ARHGAP15: variants seen among roughly 807,000 people sequenced by gnomAD.
ARHGAP15 encodes the protein Rho GTPase activating protein 15.
A neutral mutation model predicts 63.7 loss-of-function variants in ARHGAP15; 51 were observed. The ratio of observed to expected loss-of-function variants is 0.80; its 90% confidence interval spans 0.64 to 1.01. ARHGAP15 has a LOEUF of 1.01. Ranked by LOEUF, ARHGAP15 falls within the 50% of genes least tolerant of loss-of-function variation. ARHGAP15 has a pLI of 0.00. For synonymous variants in ARHGAP15, 191 were observed against 193.8 expected, an observed-to-expected ratio of 0.99 and a Z score of 0.12; for missense variants, 560 against 564.6, an observed-to-expected ratio of 0.99 and a Z score of 0.08.
intron 6 of ARHGAP15, among the ~76,000 whole-genome samples, chr2:143,277,157 G>A (rs1681600742): frequency 6.6e-6 from 1 of 151,924 alleles, no homozygotes. Flanking sequence ...CCTCTAGTAT[G>A]CCCAGGCAAC....
intron 3 of ARHGAP15, among the ~76,000 whole-genome samples, chr2:143,214,234 G>C (rs1692666244): frequency 6.6e-6 from 1 of 152,138 alleles, no homozygotes; most frequent in Admixed American, 6.5e-5. Flanking sequence ...TTTTTTGGTA[G>C]ATAAATCCAG....
At chr2:143,210,457 A>G (rs1006456647) in intron 3 of ARHGAP15, among the ~76,000 whole-genome samples, 13 of 152,172 alleles carry the variant, frequency 8.5e-5, no homozygotes, top group Non-Finnish European at 7.3e-5. Context: ...TGAATAAATC[A>G]GAGACATACA....
chr2:143,665,959 G>A (rs1470329808), intron 12 of ARHGAP15, among the ~76,000 whole-genome samples: 6 of 146,168 alleles, frequency 4.1e-5, no homozygotes, highest in African/African-American at 1.5e-4. Context: ...CTCATGGGTA[G>A]GAAGAATCAA....
intron 13 of ARHGAP15, among the ~76,000 whole-genome samples, chr2:143,735,584 T>C (rs138454607): frequency 1.2e-4 from 19 of 152,304 alleles, no homozygotes; most frequent in African/African-American, 4.6e-4. Flanking sequence ...TGTCCTGGAT[T>C]GAGCCCCTTA....
chr2:143,198,966 G>A (rs1691997394), intron 2 of ARHGAP15, among the ~76,000 whole-genome samples: 1 of 152,050 alleles, frequency 6.6e-6, no homozygotes. Context: ...TTCCACTCTT[G>A]AAAGTTAAAT....
intron 13 of ARHGAP15, among the ~76,000 whole-genome samples, chr2:143,708,195 G>C (rs1684417090): frequency 6.6e-6 from 1 of 152,166 alleles, no homozygotes; most frequent in South Asian, 2.1e-4. Context: ...TTTCTGTAGT[G>C]AGAAGTATAT....
At chr2:143,436,550 A>G (rs1689620573) in intron 7 of ARHGAP15, among the ~76,000 whole-genome samples, 1 of 152,170 alleles carries the variant, frequency 6.6e-6, no homozygotes, top group African/African-American at 2.4e-5. Context: ...CTGGAACCAG[A>G]CTGCTAGAGT....
chr2:143,351,683 TGTG>T (rs892656044), intron 6 of ARHGAP15, among the ~76,000 whole-genome samples: 17 of 152,286 alleles, frequency 1.1e-4, no homozygotes, highest in Admixed American at 9.8e-4. Flanking sequence ...TAAGCTGACT[TGTG>T]GTGGGAGGAT....
intron 1 of ARHGAP15, among the ~76,000 whole-genome samples, chr2:143,139,309 C>T (rs1436961127): frequency 6.6e-6 from 1 of 152,112 alleles, no homozygotes; most frequent in Non-Finnish European, 1.5e-5. Context: ...TTCCATACCA[C>T]TTATTCCATA....
intron 12 of ARHGAP15, among the ~76,000 whole-genome samples, chr2:143,674,528 T>C (rs1467478591): frequency 6.6e-6 from 1 of 152,170 alleles, no homozygotes; most frequent in Admixed American, 6.5e-5. Flanking sequence ...AAATGTCCTG[T>C]AACTCGACTA....
intron 5 of ARHGAP15, among the ~76,000 whole-genome samples, chr2:143,246,560 T>C (rs926179058): frequency 6.6e-6 from 1 of 151,926 alleles, no homozygotes; most frequent in African/African-American, 2.4e-5. Context: ...TAGACATTAT[T>C]TGTAATATTG....
chr2:143,765,992 T>C (rs1686935172), intron 13 of ARHGAP15, among the ~76,000 whole-genome samples: 2 of 152,236 alleles, frequency 1.3e-5, no homozygotes, highest in South Asian at 4.1e-4. Flanking sequence ...TATGCTTTGC[T>C]GGCCACAGTA....
chr2:143,282,498 T>TTTA (rs1370637321), intron 6 of ARHGAP15, among the ~76,000 whole-genome samples: 1 of 152,052 alleles, frequency 6.6e-6, no homozygotes, highest in African/African-American at 2.4e-5. Context: ...GGAACTCCTC[T>TTTA]TTATAAAACC....
intron 3 of ARHGAP15, among the ~76,000 whole-genome samples, chr2:143,213,726 T>C (rs532018193): frequency 1.3e-5 from 2 of 152,316 alleles, no homozygotes; most frequent in Admixed American, 6.5e-5. Context: ...GCAGCCTGAC[T>C]TTGGAAAATG....
chr2:143,731,805 T>A (rs1294913678), intron 13 of ARHGAP15, among the ~76,000 whole-genome samples: 1 of 152,252 alleles, frequency 6.6e-6, no homozygotes, highest in Non-Finnish European at 1.5e-5. Context: ...ATGTCCCATA[T>A]CTTGCTGAAA....
intron 8 of ARHGAP15, among the ~76,000 whole-genome samples, chr2:143,460,684 G>A (rs968904567): frequency 6.6e-6 from 1 of 152,022 alleles, no homozygotes; most frequent in South Asian, 2.1e-4. Flanking sequence ...GATATAATGT[G>A]CTAGGAAGAC....
chr2:143,317,690 A>T (rs765387721), intron 6 of ARHGAP15, among the ~76,000 whole-genome samples: 3 of 152,156 alleles, frequency 2.0e-5, no homozygotes, highest in Non-Finnish European at 2.9e-5. Context: ...TATTCTGTAG[A>T]TAATATTTTC....
intron 2 of ARHGAP15, among the ~76,000 whole-genome samples, chr2:143,157,173 A>T (rs924626612): frequency 6.6e-6 from 1 of 152,042 alleles, no homozygotes. Context: ...GCTACCAATT[A>T]ACACCTACTT....
chr2:143,572,619 G>A (rs145061215), intron 11 of ARHGAP15, among the ~76,000 whole-genome samples: 30 of 152,304 alleles, frequency 2.0e-4, no homozygotes, highest in African/African-American at 6.7e-4. Flanking sequence ...TTCAACAGTA[G>A]TGTTGACTCA....
Sources: gnomAD v4.1 joint callset for allele counts (sites outside exome capture counted in the v4.1 genomes callset) on GRCh38, gnomAD v4.1.1 for gene constraint, MANE v1.5 for transcripts, NCBI Gene and HGNC (gene_info 2026-07-23, HGNC 2026-07-21) for gene names.